Variants in CALCR observed in about 807,000 individuals in gnomAD.
The protein encoded by CALCR is calcitonin receptor.
Under a neutral mutation model 59.5 loss-of-function variants are expected in CALCR, and 47 were observed. The ratio of observed to expected loss-of-function variants is 0.79; its 90% CI spans 0.63 to 1.01. The LOEUF (loss-of-function observed/expected upper bound fraction) is 1.01, where lower values mean the gene tolerates loss of function less well. Among genes scored for constraint, CALCR ranks in the 50% least tolerant of loss-of-function variants. CALCR has a pLI of 0.00. For missense variants in CALCR, 566 were observed against 597.1 expected, an observed-to-expected ratio of 0.95 and a Z score of 0.54; for synonymous variants, 213 against 211.3, an observed-to-expected ratio of 1.01 and a Z score of -0.07.
intron 2 of CALCR, among the ~76,000 whole-genome samples, chr7:93,553,324 C>T (rs1183029378): frequency 6.6e-6 from 1 of 152,084 alleles, no homozygotes; most frequent in Non-Finnish European, 1.5e-5. Context: ...AAGGGAAGAG[C>T]TGGGAGATCC....
intron 2 of CALCR, among the ~76,000 whole-genome samples, chr7:93,501,762 T>C (rs1343054675): frequency 6.6e-6 from 1 of 152,106 alleles, no homozygotes; most frequent in Non-Finnish European, 1.5e-5. Flanking sequence ...ATGAGCTGAA[T>C]TGAAATAACT....
At chr7:93,490,312 T>C (rs1040244051) in intron 2 of CALCR, among the ~76,000 whole-genome samples, 1 of 151,498 alleles carries the variant, frequency 6.6e-6, no homozygotes. Flanking sequence ...TGAATGGGGA[T>C]AATTGAAAGC....
chr7:93,499,960 T>A (rs528911781), intron 2 of CALCR, among the ~76,000 whole-genome samples: 2 of 152,004 alleles, frequency 1.3e-5, no homozygotes, highest in East Asian at 1.9e-4. Context: ...ATACACACAC[T>A]GTTGAAAAAA....
chr7:93,514,424 T>G (rs1047483709), intron 2 of CALCR, among the ~76,000 whole-genome samples: 2 of 151,986 alleles, frequency 1.3e-5, no homozygotes, highest in African/African-American at 2.4e-5. Context: ...GGAATTCCAG[T>G]CAGTGCTTCA....
At chr7:93,503,183 T>C (rs950088287) in intron 2 of CALCR, among the ~76,000 whole-genome samples, 4 of 152,104 alleles carry the variant, frequency 2.6e-5, no homozygotes, top group Non-Finnish European at 4.4e-5. Flanking sequence ...CTGCTCCACA[T>C]GATTTTCTCT....
At chr7:93,551,266 T>C (rs2116228815) in intron 2 of CALCR, among the ~76,000 whole-genome samples, 1 of 152,290 alleles carries the variant, frequency 6.6e-6, no homozygotes, top group Middle Eastern at 3.4e-3. Flanking sequence ...ATGGAGAACT[T>C]GTCAACTCCT....
intron 2 of CALCR, among the ~76,000 whole-genome samples, chr7:93,553,359 C>T (rs1789515011): frequency 6.6e-6 from 1 of 152,092 alleles, no homozygotes; most frequent in African/African-American, 2.4e-5. Flanking sequence ...GTATTAAGGA[C>T]AGGATCCTTT....
At chr7:93,569,321 G>A (rs1482150039) in intron 2 of CALCR, among the ~76,000 whole-genome samples, 1 of 152,056 alleles carries the variant, frequency 6.6e-6, no homozygotes, top group African/African-American at 2.4e-5. Context: ...AGTATGGTAG[G>A]CATGCAAGCT....
chr7:93,434,341 T>C, intron 12 of CALCR, 47 bp from the exon 13 acceptor site: 1 of 1,401,406 alleles, frequency 7.1e-7, no homozygotes, highest in Non-Finnish European at 1.0e-6. Context: ...TTGTGTGCAT[T>C]ATGTTGTTTA....
intron 8 of CALCR, among the ~76,000 whole-genome samples, chr7:93,452,773 T>G (rs1298383752): frequency 6.6e-6 from 1 of 151,888 alleles, no homozygotes; most frequent in Non-Finnish European, 1.5e-5. Context: ...TTGGAAGTAT[T>G]AAGAAGACAA....
intron 2 of CALCR, among the ~76,000 whole-genome samples, chr7:93,492,237 G>C (rs935570323): frequency 2.6e-5 from 4 of 151,348 alleles, no homozygotes; most frequent in African/African-American, 9.7e-5. Context: ...ACACACCAAG[G>C]CCTGTTGGTG....
chr7:93,452,986 T>C (rs2115769546), intron 8 of CALCR, among the ~76,000 whole-genome samples: 1 of 152,140 alleles, frequency 6.6e-6, no homozygotes, highest in African/African-American at 2.4e-5. Flanking sequence ...CTGTATATTT[T>C]CAGACCACAG....
At chr7:93,559,607 T>C (rs1159031812) in intron 2 of CALCR, 2 of 145,102 alleles carry the variant, frequency 1.4e-5, no homozygotes, top group Admixed American at 1.4e-4. Context: ...GATACTCAGG[T>C]ACTTAAAACT....
intron 2 of CALCR, among the ~76,000 whole-genome samples, chr7:93,563,112 C>A (rs981979312): frequency 1.3e-5 from 2 of 152,140 alleles, no homozygotes; most frequent in Non-Finnish European, 2.9e-5. Flanking sequence ...ACAAATCCCT[C>A]CCGTTGCACA....
intron 13 of CALCR, 50 bp from the exon 14 acceptor site, chr7:93,426,639 C>A (rs1449819446): frequency 1.1e-6 from 1 of 948,534 alleles, no homozygotes; most frequent in Non-Finnish European, 1.6e-6. Context: ...AGAAATGATC[C>A]ATGCAAAGTG....
chr7:93,566,510 T>C (rs1478726005), intron 2 of CALCR, among the ~76,000 whole-genome samples: 1 of 152,220 alleles, frequency 6.6e-6, no homozygotes, highest in Non-Finnish European at 1.5e-5. Flanking sequence ...ATATACCAAT[T>C]ATATTAAAAT....
chr7:93,562,309 C>G (rs933691077), intron 2 of CALCR, among the ~76,000 whole-genome samples: 16 of 151,972 alleles, frequency 1.1e-4, no homozygotes, highest in Non-Finnish European at 1.5e-5. Context: ...CATGTATCAA[C>G]AAGCCTGATA....
chr7:93,566,537 C>T (rs940620660), intron 2 of CALCR, among the ~76,000 whole-genome samples: 1 of 152,088 alleles, frequency 6.6e-6, no homozygotes, highest in Non-Finnish European at 1.5e-5. Flanking sequence ...ACGTCTAAGT[C>T]GCCTTCAAAA....
At chr7:93,485,518 A>C (rs1334958768) in intron 3 of CALCR, among the ~76,000 whole-genome samples, 4 of 151,672 alleles carry the variant, frequency 2.6e-5, no homozygotes, top group African/African-American at 9.7e-5. Flanking sequence ...CAATATAATT[A>C]TTTATGAAGC....
Sources: allele counts gnomAD v4.1 joint callset (sites outside exome capture counted in the v4.1 genomes callset), GRCh38; gene constraint gnomAD v4.1.1; transcripts MANE v1.5; gene names NCBI Gene and HGNC (gene_info 2026-07-23, HGNC 2026-07-21).